GRAMD1A: variants seen among roughly 807,000 people sequenced by gnomAD.
GRAMD1A encodes protein Aster-A.
A neutral mutation model predicts 92.0 loss-of-function variants in GRAMD1A; 50 were observed. That is an observed-to-expected ratio of 0.54 (90% CI 0.43 to 0.69). GRAMD1A has a LOEUF of 0.69. GRAMD1A is among the 30% of genes least tolerant of loss of function. GRAMD1A has a pLI of 0.00. For synonymous variants in GRAMD1A, 405 were observed against 403.6 expected (o/e 1.00, Z -0.04); for missense variants, 819 against 978.9 (o/e 0.84, Z 2.18).
rs867628330 is a variant in GRAMD1A at position 35,013,588 on chromosome 19, C to T, written c.767C>T (p.Ser256Phe). Residue 256 changes from serine to phenylalanine, a missense_variant, in exon 9 of 20, where the codon TCC becomes TTC. Transcript: ENST00000317991. The surrounding 1 kb of genome is among the most constrained non-coding windows in gnomAD (Gnocchi z 4.9). ...GDVIALSDIT[S>F]SGAADRSQEP... is the part of the protein sequence containing the mutation. ...GTGATCGCCCTGAGCGACATCACCT[C>T]CTCGGGGGCAGCTGACCGCAGCCAG... 6.2e-7 allele frequency: 1 copy of T among 1,613,332 alleles called. No homozygotes were observed. The highest frequency in any genetic ancestry group is 8.5e-7 in the Non-Finnish European group (1 of 1,179,698).
upstream of GRAMD1A, among the ~76,000 whole-genome samples, chr19:34,996,522 G>C (rs2014043277): frequency 6.6e-6 from 1 of 152,200 alleles, no homozygotes; most frequent in African/African-American, 2.4e-5. Flanking sequence ...AGAGTGGAGG[G>C]GAAGCCGGGC....
At chr19:35,010,055 A>G (rs1312313341) in intron 4 of GRAMD1A, 37 bp from the exon 5 acceptor site, 4 of 1,539,196 alleles carry the variant, frequency 2.6e-6, no homozygotes, top group African/African-American at 2.7e-5. Context: ...GAGCCTCGTG[A>G]CTTGGGTGTC....
intron 6 of GRAMD1A, among the ~76,000 whole-genome samples, 162 bp from the exon 7 acceptor site, chr19:35,011,312 C>T (rs1384088247): frequency 1.3e-5 from 2 of 152,112 alleles, no homozygotes; most frequent in Non-Finnish European, 2.9e-5. Flanking sequence ...AGGGCAGGGC[C>T]GGGCGCAGGA....
Position 35,019,161 on chromosome 19 carries a change from GCCT to G in GRAMD1A, c.1214-25_1214-23del, listed in dbSNP as rs143799437. On this transcript the variant is annotated intron_variant, in intron 11 of 19. Coordinates refer to ENST00000317991, the MANE Select transcript of GRAMD1A (RefSeq NM_020895.5). ...CCTGTGGGCAAAGGACTGGGGTGTG[GCCT>G]CCTCATGCTGCTCCTCCCTCCTCTA... The G allele has an allele frequency of 6.6e-3, 9,542 of 1,442,602 alleles. 507 individuals are homozygous for G. The African/African-American group carries it at 0.12, about 18-fold the overall frequency. 89.4% of individuals were successfully genotyped at this position (1,442,602 alleles called of 1,614,324 possible). A position where few individuals can be genotyped will look rare whatever the true frequency, so the allele number is the denominator to read the frequency against.
chr19:35,009,583 A>G, intron 3 of GRAMD1A, 140 bp downstream of exon 3: 1 of 877,148 alleles, frequency 1.1e-6, no homozygotes, highest in Non-Finnish European at 1.9e-6. Context: ...GCTATTATTT[A>G]TGTGCTGTGT....
chr19:35,009,029 A>G, intron 1 of GRAMD1A, 90 bp from the exon 2 acceptor site: 1 of 827,042 alleles, frequency 1.2e-6, no homozygotes, highest in Non-Finnish European at 2.1e-6. Context: ...GTATTCGGGG[A>G]TCAATGGGTG....
chr19:35,022,142 G>T, intron 16 of GRAMD1A, 104 bp downstream of exon 16: 1 of 775,964 alleles, frequency 1.3e-6, no homozygotes. Flanking sequence ...GCTTAAGTGG[G>T]AGCGTGGGTT....
At position 35,013,260 on chromosome 19, in the gene GRAMD1A, T is replaced by TGA. The variant is rs2015372115; in HGVS notation, c.613_614dup (p.Ser205ArgfsTer33). 6.5e-7 allele frequency: 1 copy of TGA among 1,534,170 alleles called. No homozygotes were observed. The highest frequency in any genetic ancestry group is 8.8e-7 in the Non-Finnish European group (1 of 1,133,822). Reference sequence around the variant, plus strand: ...CCCCAGGTCCCGCCTCCCCAGACGCTGAGTCCCCGCGAGCTCTGGCACCTG... The same window carrying TGA: ...CCCCAGGTCCCGCCTCCCCAGACGCTGAGAGTCCCCGCGAGCTCTGGCACCTG... On this transcript the variant is annotated frameshift_variant, in exon 8 of 20. Transcript: ENST00000317991. LOFTEE classifies it high-confidence loss of function. This position sits in a 1 kb window ranked among gnomAD's most constrained non-coding sequence, Gnocchi z 4.9.
intron 17 of GRAMD1A, 55 bp from the exon 18 acceptor site, chr19:35,023,181 G>C: frequency 1.6e-6 from 2 of 1,226,052 alleles, no homozygotes; most frequent in South Asian, 2.4e-5. Context: ...AGTTGTTTGG[G>C]GGTGTTCAGA....
chr19:35,013,768 C>T lies in GRAMD1A; in HGVS notation c.870+77C>T. ...GGCTGGGGGTGCAGTGGGAGAAGAACAGCCTGACAGATTTGGAGGGGAATG... is the reference window on the plus strand; with the variant it reads ...GGCTGGGGGTGCAGTGGGAGAAGAATAGCCTGACAGATTTGGAGGGGAATG... On this transcript the variant is annotated intron_variant, in intron 9 of 19. Coordinates refer to ENST00000317991, the MANE Select transcript of GRAMD1A (RefSeq NM_020895.5). The surrounding 1 kb of genome is among the most constrained non-coding windows in gnomAD (Gnocchi z 4.9). The T allele has an allele frequency of 7.1e-7, 1 of 1,410,022 alleles. No homozygotes were observed. The highest frequency in any genetic ancestry group is 2.3e-5 in the East Asian group (1 of 43,386). The allele number at this position is 1,410,022 out of a possible 1,614,324, so 87.3% of individuals were successfully genotyped here. A position where few individuals can be genotyped will look rare whatever the true frequency, so the allele number is the denominator to read the frequency against.
chr19:35,001,899 C>T (rs2014402871), intron 1 of GRAMD1A, among the ~76,000 whole-genome samples: 1 of 152,124 alleles, frequency 6.6e-6, no homozygotes, highest in African/African-American at 2.4e-5. Context: ...TAAGCCATCG[C>T]GCCTGGCTTG....
Position 35,013,893 on chromosome 19 carries a change from G to T in GRAMD1A, c.870+202G>T, listed in dbSNP as rs1377528994. Among the ~76,000 whole-genome samples, 1 of 151,628 alleles carries T rather than the reference G, an allele frequency of 6.6e-6. No homozygotes were observed. Among genetic ancestry groups the T allele is most frequent in the Non-Finnish European group, 1.5e-5 (1 of 68,014 alleles). On this transcript the variant is annotated intron_variant, in intron 9 of 19. Transcript: ENST00000317991. This position sits in a 1 kb window ranked among gnomAD's most constrained non-coding sequence, Gnocchi z 4.9. The stretch of plus-strand genomic sequence containing the variant: ...AGACAGGGAAGAGAGGGGACAGACA[G>T]AAAGGATGAGAGACAGAAGGGATGG...
At chr19:35,001,687 A>C (rs932883606) in intron 1 of GRAMD1A, among the ~76,000 whole-genome samples, 2 of 151,854 alleles carry the variant, frequency 1.3e-5, no homozygotes, top group Non-Finnish European at 2.9e-5. Flanking sequence ...GGCCCACTGC[A>C]ACCTCCTCCT....
intron 1 of GRAMD1A, among the ~76,000 whole-genome samples, chr19:35,003,149 T>C (rs1026030074): frequency 4.4e-5 from 3 of 68,626 alleles, no homozygotes; most frequent in African/African-American, 7.9e-5. Flanking sequence ...TGTGCGTGTG[T>C]GTGTGTGTGT....
rs1196763772 is a variant in GRAMD1A, at chr19:35,000,472, C to T, written c.-7C>T. ...TGCGCCCGGGGCGCGCCCACCGCGC[C>T]GCATCCATGTTCGAGTAAGGACCGG... On this transcript the variant is annotated 5_prime_UTR_variant, in exon 1 of 20. Transcript: ENST00000317991. The surrounding 1 kb of genome is among the most constrained non-coding windows in gnomAD (Gnocchi z 4.9). 7.1e-6 allele frequency: 9 copies of T among 1,268,702 alleles called. No homozygotes were observed. In the East Asian group the frequency reaches 2.7e-4, roughly 37 times the overall value. The allele number at this position is 1,268,702 out of a possible 1,614,324, so 78.6% of individuals were successfully genotyped here.
At chr19:35,014,503 C>T (rs955324609) in intron 10 of GRAMD1A, 116 bp downstream of exon 10, 20 of 839,864 alleles carry the variant, frequency 2.4e-5, no homozygotes, top group Admixed American at 1.1e-4. Flanking sequence ...GGCGGGATGG[C>T]GTTCAGGCGC....
chr19:35,001,481 C>T (rs2014365752), intron 1 of GRAMD1A, among the ~76,000 whole-genome samples: 1 of 152,158 alleles, frequency 6.6e-6, no homozygotes. Context: ...CCAAGCGTTG[C>T]TGTAAGTTAC....
rs754669024 is a variant in GRAMD1A at position 35,013,417 on chromosome 19, G to A, written c.719+49G>A. The A allele has an allele frequency of 2.7e-5, 40 of 1,500,014 alleles. No individual in the cohort carries two copies. The Admixed American group carries it at 4.0e-4, about 15-fold the overall frequency. The allele number at this position is 1,500,014 out of a possible 1,614,324, so 92.9% of individuals were successfully genotyped here. On this transcript the variant is annotated intron_variant, in intron 8 of 19. Transcript: ENST00000317991. The surrounding 1 kb of genome is among the most constrained non-coding windows in gnomAD (Gnocchi z 4.9). The stretch of plus-strand genomic sequence containing the variant: ...TGAAGGGTTCGGGGGAGAACAGGAC[G>A]GTCGGCGTGCAGAGTTCCTGGAGTG...
chr19:35,004,363 G>A (rs2014643418), intron 1 of GRAMD1A, among the ~76,000 whole-genome samples: 2 of 152,036 alleles, frequency 1.3e-5, no homozygotes, highest in African/African-American at 2.4e-5. Flanking sequence ...TTGAATGTGC[G>A]TCGGAATCTC....
Sources: allele counts gnomAD v4.1 joint callset (sites outside exome capture counted in the v4.1 genomes callset), GRCh38; gene constraint gnomAD v4.1.1; non-coding constraint Gnocchi (gnomAD v3.1); transcripts MANE v1.5; gene names NCBI Gene and HGNC (gene_info 2026-07-23, HGNC 2026-07-21).